Variants in MYO10 observed in about 807,000 individuals in gnomAD.
MYO10 encodes the protein myosin X.
MYO10 carries 133 observed loss-of-function variants against 257.3 expected under a neutral mutation model. That is an observed-to-expected ratio of 0.52 (90% CI 0.45 to 0.60). MYO10 has a LOEUF of 0.60. Among genes scored for constraint, MYO10 ranks in the 20% least tolerant of loss-of-function variants. MYO10 has a pLI of 0.00. For missense variants in MYO10, 2,399 were observed against 2,635.7 expected (o/e 0.91, Z 1.97); for synonymous variants, 1,104 against 1,028.6 (o/e 1.07, Z -1.40).
intron 1 of MYO10, among the ~76,000 whole-genome samples, chr5:16,925,378 C>G (rs1416204548): frequency 6.6e-6 from 1 of 152,182 alleles, no homozygotes. Flanking sequence ...AAACATTTCA[C>G]ATAGACCATT....
chr5:16,700,846 C>T (rs546739063), intron 25 of MYO10, 117 bp downstream of exon 25: 50 of 1,257,312 alleles, frequency 4.0e-5, no homozygotes, highest in African/African-American at 6.1e-5. Context: ...TCTAAGACCA[C>T]GACTCTGCAA....
intron 1 of MYO10, among the ~76,000 whole-genome samples, chr5:16,927,567 T>C (rs1367660264): frequency 6.6e-6 from 1 of 152,096 alleles, no homozygotes; most frequent in African/African-American, 2.4e-5. Flanking sequence ...CTCGTGATCC[T>C]CCTGCCTCGG....
intron 3 of MYO10, chr5:16,815,156 C>T: frequency 4.1e-6 from 1 of 245,188 alleles, no homozygotes. Context: ...TAGCAAGACA[C>T]TATTACAAAA....
At position 16,668,437 on chromosome 5, in the gene MYO10, C is replaced by G; in HGVS notation, c.5915G>C (p.Trp1972Ser). The G allele has an allele frequency of 6.2e-7, 1 of 1,611,946 alleles. No homozygotes were observed. Among genetic ancestry groups the G allele is most frequent in the South Asian group, 1.1e-5 (1 of 90,656 alleles). The change falls in exon 40 of 41, where the codon TGG becomes TCG. Residue 1972 changes from tryptophan to serine, a missense_variant. By Grantham distance (177) the Trp-to-Ser change is radical. Coordinates refer to ENST00000513610, the MANE Select transcript of MYO10 (RefSeq NM_012334.3). ...GACGGCGTCCGCGCTGACACCCAAC[C>G]AGAGTTCCTGAGGGAAGCCACCTTC... ...CKEGGFPQELWLGVSADAVSV... is the reference protein window; with the variant it reads ...CKEGGFPQELSLGVSADAVSV...
intron 19 of MYO10, among the ~76,000 whole-genome samples, chr5:16,727,918 G>A (rs143905412): frequency 6.5e-4 from 97 of 149,420 alleles, no homozygotes; most frequent in African/African-American, 2.2e-3. Flanking sequence ...GCCTGGAAAA[G>A]CTATGCCTAA....
At chr5:16,727,875 C>CAAAA (rs527975903) in intron 19 of MYO10, among the ~76,000 whole-genome samples, 26 of 93,982 alleles carry the variant, frequency 2.8e-4, no homozygotes, top group African/African-American at 8.7e-4. Flanking sequence ...CCCCCCAGCC[C>CAAAA]AAAAAAAAAA....
chr5:16,753,911 T>C (rs894384961), intron 19 of MYO10, among the ~76,000 whole-genome samples: 3 of 152,224 alleles, frequency 2.0e-5, no homozygotes, highest in East Asian at 3.8e-4. Flanking sequence ...CCAAGTCTCA[T>C]GGGAAACAGT....
At chr5:16,855,995 G>A (rs550211433) in intron 2 of MYO10, among the ~76,000 whole-genome samples, 1 of 152,296 alleles carries the variant, frequency 6.6e-6, no homozygotes, top group African/African-American at 2.4e-5. Flanking sequence ...ATGAACGACG[G>A]ACTTTAACGT....
At position 16,754,809 on chromosome 5, in the gene MYO10, G is replaced by A. The variant is rs1436818336; in HGVS notation, c.1929+19C>T. The A allele has an allele frequency of 6.4e-7, 1 of 1,570,182 alleles. No homozygotes were observed. Among genetic ancestry groups the A allele is most frequent in the East Asian group, 2.2e-5 (1 of 44,464 alleles). ...GTCCCTCGAGACAGATCCCAGCCTA[G>A]GACTGTCATCAATCTTACCTTCTGC... On this transcript the variant is annotated intron_variant, in intron 19 of 40. Coordinates refer to ENST00000513610, the MANE Select transcript of MYO10 (RefSeq NM_012334.3).
intron 1 of MYO10, among the ~76,000 whole-genome samples, chr5:16,897,164 T>C (rs1561046228): frequency 1.3e-5 from 2 of 152,196 alleles, no homozygotes; most frequent in African/African-American, 4.8e-5. Context: ...GCAATTCAAG[T>C]ATTTGTTTTG....
At chr5:16,689,960 C>A (rs1418311817) in intron 27 of MYO10, 41 bp from the exon 28 acceptor site, 1 of 1,416,932 alleles carries the variant, frequency 7.1e-7, no homozygotes, top group Non-Finnish European at 1.0e-6. Flanking sequence ...TCAGGAACAC[C>A]AAATTCTGAA....
At chr5:16,726,146 T>C (rs985250491) in intron 19 of MYO10, among the ~76,000 whole-genome samples, 2 of 152,314 alleles carry the variant, frequency 1.3e-5, no homozygotes, top group East Asian at 1.9e-4. Flanking sequence ...TAGAGTGCAG[T>C]AGCACATCTG....
chr5:16,766,938 T>G (rs1430111306), intron 10 of MYO10, among the ~76,000 whole-genome samples: 1 of 151,294 alleles, frequency 6.6e-6, no homozygotes, highest in African/African-American at 2.4e-5. Context: ...TTGGCTAGGT[T>G]GGTCTTGAAC....
At chr5:16,667,040 G>A (rs1214796511) in intron 40 of MYO10, among the ~76,000 whole-genome samples, 1 of 152,186 alleles carries the variant, frequency 6.6e-6, no homozygotes, top group Non-Finnish European at 1.5e-5. Flanking sequence ...TTGGCTTGAT[G>A]GAAACTGTCA....
intron 17 of MYO10, among the ~76,000 whole-genome samples, chr5:16,760,694 A>C (rs1740684178): frequency 6.6e-6 from 1 of 152,122 alleles, no homozygotes; most frequent in Non-Finnish European, 1.5e-5. Flanking sequence ...GGCTGAAATC[A>C]GCTTAACCAC....
At chr5:16,674,822 C>G (rs1478889975) in intron 35 of MYO10, 31 bp downstream of exon 35, 2 of 1,611,810 alleles carry the variant, frequency 1.2e-6, no homozygotes, top group Non-Finnish European at 1.7e-6. Context: ...GCAGCTCTGC[C>G]CAGCTCATCT....
At chr5:16,732,669 G>A (rs1454949358) in intron 19 of MYO10, among the ~76,000 whole-genome samples, 6 of 152,140 alleles carry the variant, frequency 3.9e-5, no homozygotes, top group African/African-American at 1.2e-4. Flanking sequence ...GATCACTAAG[G>A]TTATGTCCAC....
chr5:16,741,298 T>C (rs1054415695), intron 19 of MYO10, among the ~76,000 whole-genome samples: 1 of 152,210 alleles, frequency 6.6e-6, no homozygotes, highest in Non-Finnish European at 1.5e-5. Flanking sequence ...CAGATGACCA[T>C]TCAACTCCGA....
chr5:16,900,050 G>A lies in MYO10; in HGVS notation c.22-22343C>T, dbSNP rs574557316. 5.7e-5 allele frequency among the ~76,000 whole-genome samples: 8 copies of A among 141,016 alleles called. No individual in the cohort carries two copies. In the East Asian group the frequency reaches 1.3e-3, roughly 23 times the overall value. The allele number at this position is 141,016 out of a possible 152,430, so 92.5% of individuals were successfully genotyped here. On this transcript the variant is annotated intron_variant, in intron 1 of 40. Coordinates refer to ENST00000513610, the MANE Select transcript of MYO10 (RefSeq NM_012334.3). ...GATTTAAACAGCTCTGGGAAACTTA[G>A]TATAAAAATTGCCCTGTGATATCTT...
Sources: allele counts gnomAD v4.1 joint callset (sites outside exome capture counted in the v4.1 genomes callset), GRCh38; gene constraint gnomAD v4.1.1; transcripts MANE v1.5; gene names NCBI Gene and HGNC (gene_info 2026-07-23, HGNC 2026-07-21).